PRPF39: variants seen among roughly 807,000 people sequenced by gnomAD.
The protein encoded by PRPF39 is pre-mRNA-processing factor 39.
PRPF39 carries 27 observed loss-of-function variants against 82.1 expected under a neutral mutation model. The observed-to-expected ratio is 0.33, with a 90% CI of 0.24 to 0.45. The LOEUF is 0.45. PRPF39 is among the 20% of genes least tolerant of loss of function. The probability of loss-of-function intolerance (pLI) is 1.00; values close to 1 mark genes in which losing one functional copy is unlikely to be tolerated. For missense variants in PRPF39, 581 were observed against 796.9 expected, an observed-to-expected ratio of 0.73 and a Z score of 3.26; for synonymous variants, 261 against 256.4, an observed-to-expected ratio of 1.02 and a Z score of -0.17.
rs937269616 is a variant in PRPF39, at chr14:45,110,864, G to C, written c.1572+47G>C. The C allele has an allele frequency of 3.4e-6, 5 of 1,477,774 alleles. No individual in the cohort carries two copies. The African/African-American group carries it at 7.1e-5, about 21-fold the overall frequency. 91.5% of individuals were successfully genotyped at this position (1,477,774 alleles called of 1,614,324 possible). ...AGTATCTTCTATTAAAAAAACCAGT[G>C]GTCAGTGTATTTTCACTGTGGCAAC... On this transcript the variant is annotated intron_variant, in intron 10 of 13. Coordinates refer to ENST00000355765, the MANE Select transcript of PRPF39 (RefSeq NM_017922.4). The surrounding 1 kb of genome is among the most constrained non-coding windows in gnomAD (Gnocchi z 4.0).
intron 3 of PRPF39, 67 bp from the exon 4 acceptor site, chr14:45,096,818 AAC>A: frequency 6.5e-7 from 1 of 1,539,670 alleles, no homozygotes; most frequent in African/African-American, 1.4e-5. Context: ...TTCACCGGAT[AAC>A]ACAGTGTTGC....
At chr14:45,103,823 G>A (rs538687836) in intron 5 of PRPF39, among the ~76,000 whole-genome samples, 1 of 152,240 alleles carries the variant, frequency 6.6e-6, no homozygotes, top group East Asian at 1.9e-4. Flanking sequence ...GCCAAAGAGG[G>A]TGTCTTTTCA....
chr14:45,097,184 C>T (rs1273106146), intron 4 of PRPF39, among the ~76,000 whole-genome samples, 179 bp downstream of exon 4: 1 of 152,126 alleles, frequency 6.6e-6, no homozygotes, highest in Non-Finnish European at 1.5e-5. Flanking sequence ...AGCCCTCCTA[C>T]AGTCCATGCC....
intron 1 of PRPF39, among the ~76,000 whole-genome samples, chr14:45,093,742 A>G (rs888958193): frequency 7.0e-6 from 1 of 143,652 alleles, no homozygotes; most frequent in Admixed American, 6.8e-5. Context: ...TTTAGTAGAG[A>G]CAGGGTTTCT....
At chr14:45,106,026 T>C (rs1884520844) in intron 5 of PRPF39, among the ~76,000 whole-genome samples, 1 of 152,066 alleles carries the variant, frequency 6.6e-6, no homozygotes, top group Non-Finnish European at 1.5e-5. Flanking sequence ...AGAGATGTAG[T>C]GGTTGACAGT....
At chr14:45,090,458 A>G (rs1883985870) in intron 1 of PRPF39, among the ~76,000 whole-genome samples, 1 of 152,146 alleles carries the variant, frequency 6.6e-6, no homozygotes, top group African/African-American at 2.4e-5. Flanking sequence ...CTACTTCTCA[A>G]TACCAACCTC....
chr14:45,110,388 T>C lies in PRPF39; in HGVS notation c.1304-161T>C, dbSNP rs1055392489. On this transcript the variant is annotated intron_variant, in intron 9 of 13. Coordinates refer to ENST00000355765, the MANE Select transcript of PRPF39 (RefSeq NM_017922.4). This position sits in a 1 kb window ranked among gnomAD's most constrained non-coding sequence, Gnocchi z 4.0. ...TCTGACTTTCAGGCTTTGTAAGCCA[T>C]TGTAGCCCCGAAACAGCCATAGGCA... Among the ~76,000 whole-genome samples, 8 of 152,224 alleles carry C rather than the reference T, an allele frequency of 5.3e-5. No homozygotes were observed. Among genetic ancestry groups the C allele is most frequent in the Non-Finnish European group, 8.8e-5 (6 of 68,038 alleles).
chr14:45,095,304 A>AG lies in PRPF39; in HGVS notation c.67dup (p.Val23GlyfsTer8). The stretch of plus-strand genomic sequence containing the variant: ...AATGGCAGCACAGGCAACAGTTCAG[A>AG]GGTAGTGGTAGAACATCCTACTGAT... On this transcript the variant is annotated frameshift_variant, in exon 2 of 14. Transcript: ENST00000355765. LOFTEE classifies it high-confidence loss of function. 6.2e-7 allele frequency: 1 copy of AG among 1,613,354 alleles called. No homozygotes were observed. Among genetic ancestry groups the AG allele is most frequent in the Non-Finnish European group, 8.5e-7 (1 of 1,179,286 alleles).
intron 4 of PRPF39, among the ~76,000 whole-genome samples, chr14:45,100,925 CATTT>C (rs1301658816): frequency 1.3e-5 from 2 of 152,114 alleles, no homozygotes; most frequent in South Asian, 2.1e-4. Flanking sequence ...TTTGCTTATT[CATTT>C]ATCTGAATTT....
chr14:45,109,770 T>G lies in PRPF39; in HGVS notation c.1166T>G (p.Phe389Cys), dbSNP rs1236262651. Residue 389 changes from phenylalanine to cysteine, a missense_variant, in exon 8 of 14, where the codon TTT becomes TGT. Transcript: ENST00000355765. ...CVISCALYEE[F>C]WIKYAKYMEN... is the part of the protein sequence containing the mutation. ...ATATCATGTGCCCTCTATGAGGAGT[T>G]TTGGATTAAGGTAAGAAAATCATGT... 1 of 1,601,076 alleles carries G rather than the reference T, an allele frequency of 6.2e-7. No individual in the cohort carries two copies. The highest frequency in any genetic ancestry group is 8.5e-7 in the Non-Finnish European group (1 of 1,174,084).
At position 45,114,485 on chromosome 14, in the gene PRPF39, T is replaced by TTA; in HGVS notation, c.1833-8_1833-7insAT. On this transcript the variant is annotated splice_polypyrimidine_tract_variant and intron_variant, in intron 12 of 13. Transcript: ENST00000355765. ...GTTTTGAAAGTTTCCATTCTGACGT[T>TTA]TTATATAGATCAGAAGAACCAGAGG... The TTA allele has an allele frequency of 6.4e-7, 1 of 1,562,946 alleles. No homozygotes were observed. Among genetic ancestry groups the TTA allele is most frequent in the Non-Finnish European group, 8.6e-7 (1 of 1,162,546 alleles).
chr14:45,088,857 A>G (rs1883927400), intron 1 of PRPF39, among the ~76,000 whole-genome samples: 1 of 152,222 alleles, frequency 6.6e-6, no homozygotes, highest in South Asian at 2.1e-4. Flanking sequence ...AAGTGTCATA[A>G]AACCATATAC....
chr14:45,101,836 G>A lies in PRPF39; in HGVS notation c.570-693G>A, dbSNP rs777203881. 2.3e-4 allele frequency among the ~76,000 whole-genome samples: 34 copies of A among 148,450 alleles called. 1 individual carries two copies. The highest frequency in any genetic ancestry group is 3.7e-4 in the Non-Finnish European group (25 of 67,076). On this transcript the variant is annotated intron_variant, in intron 4 of 13. Transcript: ENST00000355765. ...TTTTTTTTTTTTTTGAGACAGAGTCGCGCTCTGTCGCCCAGTCTGGAGTGC... is the reference window on the plus strand; with the variant it reads ...TTTTTTTTTTTTTTGAGACAGAGTCACGCTCTGTCGCCCAGTCTGGAGTGC...
chr14:45,106,462 A>G (rs1226391021), intron 5 of PRPF39, among the ~76,000 whole-genome samples: 1 of 152,228 alleles, frequency 6.6e-6, no homozygotes. Context: ...AAATTGTGAT[A>G]GTGTAGATAT....
At chr14:45,109,547 AAC>A (rs1884642480) in intron 7 of PRPF39, 67 bp from the exon 8 acceptor site, 3 of 1,287,014 alleles carry the variant, frequency 2.3e-6, no homozygotes, top group East Asian at 5.1e-5. Flanking sequence ...TATTTGTATT[AAC>A]ACTGTACATG....
intron 4 of PRPF39, among the ~76,000 whole-genome samples, chr14:45,101,374 C>G (rs1036798380): frequency 1.3e-5 from 2 of 152,144 alleles, no homozygotes; most frequent in African/African-American, 4.8e-5. Context: ...AAAGCTTTAT[C>G]CCATTGGAGT....
chr14:45,090,146 T>C (rs1431395013), intron 1 of PRPF39, among the ~76,000 whole-genome samples: 2 of 152,198 alleles, frequency 1.3e-5, no homozygotes, highest in Non-Finnish European at 2.9e-5. Flanking sequence ...AACCACAAAC[T>C]AGTGACTAAT....
chr14:45,116,120 CTAACTA>C lies in PRPF39; in HGVS notation c.*1208_*1213del. 1 of 1,002,306 alleles carries C rather than the reference CTAACTA, an allele frequency of 1.0e-6. No individual in the cohort carries two copies. The highest frequency in any genetic ancestry group is 1.6e-6 in the Non-Finnish European group (1 of 635,558). The allele number at this position is 1,002,306 out of a possible 1,614,324, so 62.1% of individuals were successfully genotyped here. On this transcript the variant is annotated 3_prime_UTR_variant, in exon 14 of 14. Coordinates refer to ENST00000355765, the MANE Select transcript of PRPF39 (RefSeq NM_017922.4). ...TCTTCCTTTACAATAGTAACAAGTT[CTAACTA>C]GTTGTGTAAATTTCTTCAAGGCCAA...
rs1884194570 is a variant in PRPF39 at position 45,096,129 on chromosome 14, A to G, written c.351A>G (p.Ala117=). The G allele has an allele frequency of 6.3e-7, 1 of 1,579,302 alleles. No individual in the cohort carries two copies. The highest frequency in any genetic ancestry group is 1.8e-5 in the Admixed American group (1 of 54,940). Reference sequence around the variant, plus strand: ...ATCACTTGATGGCTGCCAGGAAGGCATTTGACAGATTTTTCATACACTATC... The same window carrying G: ...ATCACTTGATGGCTGCCAGGAAGGCGTTTGACAGATTTTTCATACACTATC... ...QENHLMAARK[A]FDRFFIHYPY... The change falls in exon 3 of 14, where the codon GCA becomes GCG. Residue 117 remains alanine (A), a synonymous_variant. Transcript: ENST00000355765.
Sources: gnomAD v4.1 joint callset for allele counts (sites outside exome capture counted in the v4.1 genomes callset) on GRCh38, gnomAD v4.1.1 for gene constraint, Gnocchi (gnomAD v3.1) non-coding constraint, MANE v1.5 for transcripts, NCBI Gene and HGNC (gene_info 2026-07-23, HGNC 2026-07-21) for gene names.